ADAMTSL1: variants seen among roughly 807,000 people sequenced by gnomAD.
ADAMTSL1 encodes ADAMTS like 1, also known as ADAMTS-like protein 1.
Under a neutral mutation model 201.8 loss-of-function variants are expected in ADAMTSL1, and 126 were observed. The ratio of observed to expected loss-of-function variants is 0.62; its 90% CI spans 0.54 to 0.72. The LOEUF is 0.72. Among genes scored for constraint, ADAMTSL1 ranks in the 30% least tolerant of loss-of-function variants. The pLI is 0.00. For missense variants in ADAMTSL1, 2,679 were observed against 2,277.8 expected, an observed-to-expected ratio of 1.18 and a Z score of -3.59; for synonymous variants, 1,121 against 903.4, an observed-to-expected ratio of 1.24 and a Z score of -4.32.
chr9:18,845,704 T>C (rs1439468471), intron 23 of ADAMTSL1, among the ~76,000 whole-genome samples: 1 of 152,242 alleles, frequency 6.6e-6, no homozygotes, highest in African/African-American at 2.4e-5. Flanking sequence ...ACATCCCTGC[T>C]AAGAGCGGCA....
At chr9:18,586,773 G>A (rs112722423) in intron 4 of ADAMTSL1, among the ~76,000 whole-genome samples, 12,568 of 152,030 alleles carry the variant, frequency 0.083, 544 homozygotes, top group East Asian at 0.1. Context: ...ACAGAATAGA[G>A]AGCCCAGAAA....
At chr9:17,983,032 A>ATT (rs143071994) in intron 1 of ADAMTSL1, among the ~76,000 whole-genome samples, 15 of 101,922 alleles carry the variant, frequency 1.5e-4, no homozygotes, top group Non-Finnish European at 2.3e-4. Context: ...CTTTTCAACT[A>ATT]TTTTTTTTTT....
chr9:18,154,404 T>C (rs1170048432), intron 1 of ADAMTSL1, among the ~76,000 whole-genome samples: 1 of 152,048 alleles, frequency 6.6e-6, no homozygotes, highest in Non-Finnish European at 1.5e-5. Context: ...CAGTCATATA[T>C]CTGGTGGTTC....
At chr9:18,203,802 C>T (rs919036817) in intron 2 of ADAMTSL1, among the ~76,000 whole-genome samples, 6 of 152,026 alleles carry the variant, frequency 3.9e-5, no homozygotes, top group African/African-American at 1.2e-4. Flanking sequence ...AGTATGGCTC[C>T]GATTTGGCCT....
intron 1 of ADAMTSL1, among the ~76,000 whole-genome samples, chr9:18,009,301 C>G (rs911552469): frequency 1.3e-5 from 2 of 151,980 alleles, no homozygotes; most frequent in African/African-American, 4.8e-5. Flanking sequence ...TCTAACTGTA[C>G]CCAAAAAGCT....
intron 1 of ADAMTSL1, among the ~76,000 whole-genome samples, chr9:17,925,948 C>G (rs558636184): frequency 1.3e-5 from 2 of 151,920 alleles, no homozygotes; most frequent in Non-Finnish European, 2.9e-5. Flanking sequence ...TCTCCCCAAG[C>G]GCAATGTAGC....
rs558366771 is a variant in ADAMTSL1, at chr9:18,908,637, T to G, written c.*89T>G. 3.7e-6 allele frequency: 4 copies of G among 1,087,114 alleles called. No homozygotes were observed. The highest frequency in any genetic ancestry group is 1.6e-5 in the South Asian group (1 of 63,524). The allele number at this position is 1,087,114 out of a possible 1,614,324, so 67.3% of individuals were successfully genotyped here. A position where few individuals can be genotyped will look rare whatever the true frequency, so the allele number is the denominator to read the frequency against. On this transcript the variant is annotated 3_prime_UTR_variant, in exon 29 of 29. Transcript: ENST00000380548. ...AGAACCTAAGCTTTCTTCATTTTATTTATTTATTTCCCCCTCCCCACTCCA... is the reference window on the plus strand; with the variant it reads ...AGAACCTAAGCTTTCTTCATTTTATGTATTTATTTCCCCCTCCCCACTCCA...
intron 2 of ADAMTSL1, among the ~76,000 whole-genome samples, chr9:18,216,619 C>T (rs867338821): frequency 1.5e-4 from 23 of 150,666 alleles, no homozygotes; most frequent in East Asian, 3.9e-4. Flanking sequence ...GATTTGGGCA[C>T]GCAGCAGTGA....
At chr9:18,721,451 C>A in intron 14 of ADAMTSL1, 85 bp from the exon 15 acceptor site, 1 of 1,552,804 alleles carries the variant, frequency 6.4e-7, no homozygotes, top group Non-Finnish European at 8.7e-7. Context: ...CAGGGACCTC[C>A]CACCAGCTGC....
intron 3 of ADAMTSL1, among the ~76,000 whole-genome samples, chr9:18,541,488 C>G (rs569855458): frequency 6.9e-6 from 1 of 144,936 alleles, no homozygotes; most frequent in East Asian, 2.1e-4. Flanking sequence ...CCAGACTGGG[C>G]AACAAGAGCA....
At chr9:18,875,463 T>C (rs1828090667) in intron 23 of ADAMTSL1, among the ~76,000 whole-genome samples, 1 of 152,124 alleles carries the variant, frequency 6.6e-6, no homozygotes, top group South Asian at 2.1e-4. Context: ...ACTATTATTA[T>C]TCAGTTCAAA....
At chr9:18,142,661 C>T (rs1802661285) in intron 1 of ADAMTSL1, among the ~76,000 whole-genome samples, 1 of 152,102 alleles carries the variant, frequency 6.6e-6, no homozygotes, top group Non-Finnish European at 1.5e-5. Flanking sequence ...ACACGGAAGT[C>T]AGAGAATCTA....
intron 19 of ADAMTSL1, among the ~76,000 whole-genome samples, chr9:18,788,934 T>G (rs546331948): frequency 1.3e-5 from 2 of 152,158 alleles, no homozygotes; most frequent in Non-Finnish European, 2.9e-5. Context: ...GTTATGGAAA[T>G]AACTAGTTGT....
chr9:17,926,676 G>A (rs1189065918), intron 1 of ADAMTSL1, among the ~76,000 whole-genome samples: 1 of 152,170 alleles, frequency 6.6e-6, no homozygotes, highest in Non-Finnish European at 1.5e-5. Flanking sequence ...TCAAATTCAA[G>A]AGGATTGTAA....
At chr9:18,087,237 C>A (rs934238252) in intron 1 of ADAMTSL1, among the ~76,000 whole-genome samples, 3 of 152,036 alleles carry the variant, frequency 2.0e-5, no homozygotes, top group Non-Finnish European at 4.4e-5. Flanking sequence ...AGAAGTTGTT[C>A]ATGTTTACTT....
intron 25 of ADAMTSL1, chr9:18,890,874 C>A: frequency 7.0e-6 from 2 of 283,736 alleles, no homozygotes; most frequent in Non-Finnish European, 1.4e-5. Flanking sequence ...CTTTGATGTG[C>A]CAGGAACTTT....
intron 1 of ADAMTSL1, among the ~76,000 whole-genome samples, chr9:18,081,187 T>G (rs192452091): frequency 4.6e-4 from 70 of 152,310 alleles, no homozygotes; most frequent in African/African-American, 1.6e-3. Flanking sequence ...AATTAGTAAG[T>G]GGCAGTTACT....
chr9:18,645,340 C>T (rs1350207469), intron 7 of ADAMTSL1, among the ~76,000 whole-genome samples: 1 of 152,090 alleles, frequency 6.6e-6, no homozygotes, highest in African/African-American at 2.4e-5. Context: ...TTGTAGGTTG[C>T]CTGTTCACTC....
chr9:18,096,913 T>C (rs1422009548), intron 1 of ADAMTSL1, among the ~76,000 whole-genome samples: 1 of 152,238 alleles, frequency 6.6e-6, no homozygotes. Flanking sequence ...CTTCTCTTAG[T>C]ATGCTTTTAA....
Sources: gnomAD v4.1 joint callset for allele counts (sites outside exome capture counted in the v4.1 genomes callset) on GRCh38, gnomAD v4.1.1 for gene constraint, MANE v1.5 for transcripts, NCBI Gene and HGNC (gene_info 2026-07-23, HGNC 2026-07-21) for gene names.